The following ZNF37A variants were observed in gnomAD, a reference collection of about 807,000 sequenced individuals.
ZNF37A encodes the protein zinc finger protein 37A.
In ZNF37A, 10 loss-of-function variants were observed where a neutral mutation model predicts 12.3. The ratio of observed to expected loss-of-function variants is 0.82; its 90% CI spans 0.50 to 1.38. ZNF37A has a LOEUF of 1.38. ZNF37A is among the 40% of genes most tolerant of loss of function. The probability of loss-of-function intolerance (pLI) is 0.00; values close to 1 mark genes in which losing one functional copy is unlikely to be tolerated. For synonymous variants in ZNF37A, 207 were observed against 223.0 expected (o/e 0.93, Z 0.64); for missense variants, 580 against 651.2 (o/e 0.89, Z 1.19).
chr10:38,141,694 T>C (rs370404619), intron 7 of ZNF37A: 7 of 152,228 alleles, frequency 4.6e-5, no homozygotes, highest in Non-Finnish European at 1.0e-4. Flanking sequence ...AAATATATTA[T>C]AGTTACATGA....
At position 38,115,331 on chromosome 10, in the gene ZNF37A, A is replaced by T. The variant is rs1258001930; in HGVS notation, c.238+41A>T. The T allele has an allele frequency of 3.1e-6, 5 of 1,599,152 alleles. No homozygotes were observed. The East Asian group carries it at 1.1e-4, about 36-fold the overall frequency. On this transcript the variant is annotated intron_variant, in intron 7 of 7. Coordinates refer to ENST00000685332, the MANE Select transcript of ZNF37A (RefSeq NM_001324250.3). Reference sequence around the variant, plus strand: ...CCAGATGGAATTTAAAGGAAGGTAGATCACAAAGGGTAAGTTTGGATAATA... The same window carrying T: ...CCAGATGGAATTTAAAGGAAGGTAGTTCACAAAGGGTAAGTTTGGATAATA...
At chr10:38,144,559 G>T (rs1394410746) in intron 7 of ZNF37A, among the ~76,000 whole-genome samples, 1 of 152,102 alleles carries the variant, frequency 6.6e-6, no homozygotes, top group Non-Finnish European at 1.5e-5. Context: ...CTAATGCTGT[G>T]TCAGCTTCTC....
At position 38,121,178 on chromosome 10, in the gene ZNF37A, G is replaced by A. The variant is rs1331689002; in HGVS notation, c.*2341G>A. ...GGAACTTTTCCAATTCAGTTTTTGAGGCCAGTACAACCTTGATAACAAAAC... is the reference window on the plus strand; with the variant it reads ...GGAACTTTTCCAATTCAGTTTTTGAAGCCAGTACAACCTTGATAACAAAAC... On this transcript the variant is annotated 3_prime_UTR_variant, in exon 8 of 8. Transcript: ENST00000685332. 2 of 151,296 alleles carry A rather than the reference G, an allele frequency of 1.3e-5. No individual in the cohort carries two copies. Among genetic ancestry groups the A allele is most frequent in the Admixed American group, 6.6e-5 (1 of 15,188 alleles). The allele number at this position is 151,296 out of a possible 1,614,324, so 9.4% of individuals were successfully genotyped here. A position where few individuals can be genotyped will look rare whatever the true frequency, so the allele number is the denominator to read the frequency against.
At chr10:38,103,262 C>T (rs1413992952) in intron 5 of ZNF37A, among the ~76,000 whole-genome samples, 3 of 152,150 alleles carry the variant, frequency 2.0e-5, no homozygotes, top group Non-Finnish European at 4.4e-5. Context: ...GAGTAATCCC[C>T]ATCAGTGTCT....
downstream of ZNF37A, among the ~76,000 whole-genome samples, chr10:38,130,115 G>GGGA (rs759000434): frequency 7.2e-5 from 11 of 152,298 alleles, no homozygotes; most frequent in Non-Finnish European, 1.2e-4. Context: ...ACGGCATGTA[G>GGGA]GGAGAATCAT....
rs1429309088 is a variant in ZNF37A, at chr10:38,120,427, A to C, written c.*1590A>C. On this transcript the variant is annotated 3_prime_UTR_variant, in exon 8 of 8. Coordinates refer to ENST00000685332, the MANE Select transcript of ZNF37A (RefSeq NM_001324250.3). ...CTGAGTGACAGAGAGAGATTCAAAA[A>C]ACAAAAAAAAAGCAAAAATATACTT... 1.7e-5 allele frequency: 2 copies of C among 114,366 alleles called. No individual in the cohort carries two copies. The highest frequency in any genetic ancestry group is 3.9e-5 in the Non-Finnish European group (2 of 51,846). 7.1% of individuals were successfully genotyped at this position (114,366 alleles called of 1,614,324 possible). A position where few individuals can be genotyped will look rare whatever the true frequency, so the allele number is the denominator to read the frequency against.
intron 5 of ZNF37A, among the ~76,000 whole-genome samples, chr10:38,103,983 C>G (rs375316070): frequency 4.6e-5 from 7 of 152,198 alleles, no homozygotes; most frequent in East Asian, 3.8e-4. Flanking sequence ...TGAAGGTCAA[C>G]CAGATGTGAA....
chr10:38,129,319 A>AAAAAAAAAAAAAAAAACAACAAC, downstream of ZNF37A, among the ~76,000 whole-genome samples: 2 of 116,228 alleles, frequency 1.7e-5, no homozygotes, highest in South Asian at 2.2e-4. Context: ...AAAAAAAAAA[A>AAAAAAAAAAAAAAAAACAACAAC]AAACTATTAT....
intron 5 of ZNF37A, among the ~76,000 whole-genome samples, chr10:38,108,140 T>A (rs2068293777): frequency 6.6e-6 from 1 of 151,808 alleles, no homozygotes; most frequent in South Asian, 2.1e-4. Context: ...AGAACGGAAA[T>A]CATAACAGTC....
At chr10:38,139,378 C>T (rs1015066076) in intron 7 of ZNF37A, 1 of 151,624 alleles carries the variant, frequency 6.6e-6, no homozygotes, top group African/African-American at 2.4e-5. Flanking sequence ...ATATATTTTT[C>T]CTTTTTTTGA....
chr10:38,121,326 G>T lies in ZNF37A; in HGVS notation c.*2489G>T, dbSNP rs1402748623. 1 of 152,000 alleles carries T rather than the reference G, an allele frequency of 6.6e-6. No homozygotes were observed. Among genetic ancestry groups the T allele is most frequent in the Non-Finnish European group, 1.5e-5 (1 of 68,004 alleles). 9.4% of individuals were successfully genotyped at this position (152,000 alleles called of 1,614,324 possible). A position where few individuals can be genotyped will look rare whatever the true frequency, so the allele number is the denominator to read the frequency against. ...TCCATAAACTATATCATCACCAAGA[G>T]ATGTTTATTAGGGCAATCAAAAGAT... is the stretch of plus-strand genomic sequence containing the variant. On this transcript the variant is annotated 3_prime_UTR_variant, in exon 8 of 8. Transcript: ENST00000685332.
chr10:38,139,366 T>G (rs1221704158), intron 7 of ZNF37A: 1 of 152,132 alleles, frequency 6.6e-6, no homozygotes, highest in Non-Finnish European at 1.5e-5. Flanking sequence ...TTCAATGGTT[T>G]GATATATTTT....
intron 5 of ZNF37A, among the ~76,000 whole-genome samples, chr10:38,107,225 C>G (rs2068184093): frequency 6.6e-6 from 1 of 152,276 alleles, no homozygotes; most frequent in Admixed American, 6.5e-5. Flanking sequence ...AAAGAATTTT[C>G]AACCCAGAAT....
chr10:38,146,102 A>C (rs766563323), intron 7 of ZNF37A, among the ~76,000 whole-genome samples: 71 of 152,334 alleles, frequency 4.7e-4, no homozygotes, highest in Admixed American at 1.8e-3. Context: ...TCTGTCTCAA[A>C]CAAAAAGAAA....
chr10:38,115,097 G>GTA (rs2069147047), intron 6 of ZNF37A, 98 bp from the exon 7 acceptor site: 4 of 1,010,392 alleles, frequency 4.0e-6, no homozygotes. Flanking sequence ...GTGTGTGTGT[G>GTA]TGTGTGTGTG....
At chr10:38,145,497 C>A (rs1199395566) in intron 7 of ZNF37A, among the ~76,000 whole-genome samples, 1 of 152,070 alleles carries the variant, frequency 6.6e-6, no homozygotes, top group East Asian at 1.9e-4. Flanking sequence ...TAACAATGGA[C>A]CTGTTATTAT....
intron 7 of ZNF37A, chr10:38,141,115 T>C (rs2070176267): frequency 6.6e-6 from 1 of 152,192 alleles, no homozygotes; most frequent in Non-Finnish European, 1.5e-5. Flanking sequence ...CCTGAAAGTA[T>C]CTTTAACCGA....
chr10:38,108,227 G>T (rs2068305836), intron 5 of ZNF37A, among the ~76,000 whole-genome samples: 1 of 152,134 alleles, frequency 6.6e-6, no homozygotes, highest in Admixed American at 6.5e-5. Flanking sequence ...CATGAAAACT[G>T]AACAACCTGC....
At position 38,147,393 on chromosome 10, in the gene ZNF37A, G is replaced by T. The variant is rs547936116; in HGVS notation, c.*573G>T. ...ACAACAGTGGCTAAGCATGGGAAGG[G>T]TTTCTATGGTGGGACTGCATTGGAC... On this transcript the variant is annotated 3_prime_UTR_variant, in exon 8 of 8. Transcript: ENST00000638053. The T allele has an allele frequency of 2.0e-5, 3 of 152,322 alleles. No individual in the cohort carries two copies. In the South Asian group the frequency reaches 6.2e-4, roughly 32 times the overall value. 9.4% of individuals were successfully genotyped at this position (152,322 alleles called of 1,614,324 possible). A position where few individuals can be genotyped will look rare whatever the true frequency, so the allele number is the denominator to read the frequency against.
Sources: gnomAD v4.1 joint callset for allele counts (sites outside exome capture counted in the v4.1 genomes callset) on GRCh38, gnomAD v4.1.1 for gene constraint, MANE v1.5 for transcripts, NCBI Gene and HGNC (gene_info 2026-07-23, HGNC 2026-07-21) for gene names.